The following FAF2 variants were observed in gnomAD, a reference collection of about 807,000 sequenced individuals.
The protein encoded by FAF2 is Fas associated factor family member 2, also known as FAS-associated factor 2.
FAF2 carries 9 observed loss-of-function variants against 62.3 expected under a neutral mutation model. The observed-to-expected ratio is 0.14, with a 90% CI of 0.09 to 0.25. The LOEUF (loss-of-function observed/expected upper bound fraction) is 0.25. Among genes scored for constraint, FAF2 ranks in the 10% least tolerant of loss-of-function variants. The pLI is 1.00. For missense variants in FAF2, 368 were observed against 556.2 expected (o/e 0.66, Z 3.40); for synonymous variants, 202 against 198.0 (o/e 1.02, Z -0.17).
At chr5:176,502,490 G>C (rs1030998119) in intron 10 of FAF2, among the ~76,000 whole-genome samples, 3 of 152,128 alleles carry the variant, frequency 2.0e-5, no homozygotes, top group Admixed American at 1.3e-4. Flanking sequence ...TGAGGCAGGA[G>C]AAACGCTTGA....
At chr5:176,471,624 C>G (rs934706694) in intron 1 of FAF2, among the ~76,000 whole-genome samples, 7 of 151,186 alleles carry the variant, frequency 4.6e-5, no homozygotes, top group Non-Finnish European at 7.4e-5. Context: ...CTCAGGTGAT[C>G]TGCCCACCTC....
At chr5:176,451,885 T>TACAC (rs1758189686) in intron 1 of FAF2, among the ~76,000 whole-genome samples, 1 of 24,486 alleles carries the variant, frequency 4.1e-5, no homozygotes. Context: ...CATATATATA[T>TACAC]ATATATATTT....
chr5:176,468,365 A>G (rs1581060273), intron 1 of FAF2, among the ~76,000 whole-genome samples: 1 of 152,144 alleles, frequency 6.6e-6, no homozygotes, highest in African/African-American at 2.4e-5. Flanking sequence ...CAGGTGGATC[A>G]CTAGGCCAGG....
intron 9 of FAF2, among the ~76,000 whole-genome samples, chr5:176,499,675 A>G (rs376473417): frequency 8.0e-5 from 12 of 150,756 alleles, no homozygotes; most frequent in African/African-American, 2.9e-4. Flanking sequence ...TGCAGTGGCT[A>G]TTCACCAGTG....
Position 176,454,827 on chromosome 5 carries a change from A to G in FAF2, c.63+6357A>G, listed in dbSNP as rs1172470663. Among the ~76,000 whole-genome samples, 3 of 151,978 alleles carry G rather than the reference A, an allele frequency of 2.0e-5. No individual in the cohort carries two copies. In the East Asian group the frequency reaches 5.8e-4, roughly 29 times the overall value. On this transcript the variant is annotated intron_variant, in intron 1 of 10. Transcript: ENST00000261942. ...AGATATCCTCCTTTTCCTAAACTCT[A>G]TTCTGTAATATGTTCAAGCATTTCT...
At chr5:176,500,222 A>G (rs1167285405) in intron 10 of FAF2, 76 bp downstream of exon 10, 22 of 1,433,054 alleles carry the variant, frequency 1.5e-5, no homozygotes, top group Non-Finnish European at 1.9e-5. Flanking sequence ...GACTCTTGAG[A>G]GTGGTGTTGG....
Position 176,504,149 on chromosome 5 carries a change from G to A in FAF2, c.1156-2619G>A, listed in dbSNP as rs144055708. ...AAAGCCAAGTTTGTACAAGTGTTAG[G>A]TATTCTCAAGCAGAGATTAAAAAGA... is the stretch of plus-strand genomic sequence containing the variant. On this transcript the variant is annotated intron_variant, in intron 10 of 10. Transcript: ENST00000261942. Among the ~76,000 whole-genome samples the A allele has an allele frequency of 2.1e-3, 313 of 151,918 alleles. 5 individuals carry two copies. Among genetic ancestry groups the A allele is most frequent in the African/African-American group, 7.3e-3 (303 of 41,462 alleles).
Position 176,493,847 on chromosome 5 carries a change from G to A in FAF2, c.484-152G>A, listed in dbSNP as rs184579722. ...AACAATGCCAGGGGTGTGAAGGTAGGAGCTCAGGAATTTTCTGATTTCTTG... is the reference window on the plus strand; with the variant it reads ...AACAATGCCAGGGGTGTGAAGGTAGAAGCTCAGGAATTTTCTGATTTCTTG... On this transcript the variant is annotated intron_variant, in intron 5 of 10. Transcript: ENST00000261942. 1.3e-4 allele frequency: 76 copies of A among 585,376 alleles called. No individual in the cohort carries two copies. The African/African-American group carries it at 1.4e-3, about 10-fold the overall frequency. 36.3% of individuals were successfully genotyped at this position (585,376 alleles called of 1,614,324 possible).
intron 1 of FAF2, among the ~76,000 whole-genome samples, chr5:176,470,184 A>G (rs1305087196): frequency 6.6e-6 from 1 of 152,250 alleles, no homozygotes; most frequent in African/African-American, 2.4e-5. Flanking sequence ...GTGGGGAACT[A>G]GAAGGAAATT....
At chr5:176,450,886 G>A (rs1344981246) in intron 1 of FAF2, among the ~76,000 whole-genome samples, 3 of 152,108 alleles carry the variant, frequency 2.0e-5, no homozygotes, top group East Asian at 1.9e-4. Context: ...TAGCAGGTTC[G>A]AGCTGTATTA....
At chr5:176,484,219 C>G (rs1277253954) in intron 2 of FAF2, among the ~76,000 whole-genome samples, 1 of 152,172 alleles carries the variant, frequency 6.6e-6, no homozygotes, top group African/African-American at 2.4e-5. Flanking sequence ...GTAGCCCCCT[C>G]CACCCACAGT....
At chr5:176,496,320 GAAAA>G (rs1178742954) in intron 7 of FAF2, among the ~76,000 whole-genome samples, 162 bp from the exon 8 acceptor site, 2 of 152,098 alleles carry the variant, frequency 1.3e-5, no homozygotes, top group East Asian at 3.9e-4. Context: ...CTCAAAAAAA[GAAAA>G]GAAAGAAACT....
chr5:176,450,847 G>C (rs1420530449), intron 1 of FAF2, among the ~76,000 whole-genome samples: 1 of 152,148 alleles, frequency 6.6e-6, no homozygotes, highest in Non-Finnish European at 1.5e-5. Flanking sequence ...GGCCAAAACT[G>C]TGGAGATCTT....
chr5:176,480,834 GCATTAGGAGAAATACCTAA>G (rs1309320094), intron 2 of FAF2, among the ~76,000 whole-genome samples: 16 of 151,776 alleles, frequency 1.1e-4, no homozygotes, highest in Non-Finnish European at 4.4e-5. Context: ...GGGAGGGATA[GCATTAGGAGAAATACCTAA>G]TGTAGATGAC....
chr5:176,493,520 T>C (rs1759011508), intron 5 of FAF2, among the ~76,000 whole-genome samples: 1 of 152,278 alleles, frequency 6.6e-6, no homozygotes. Context: ...AGAATGCCTT[T>C]GGATCGTACA....
At chr5:176,470,855 A>C (rs1758556558) in intron 1 of FAF2, among the ~76,000 whole-genome samples, 1 of 152,204 alleles carries the variant, frequency 6.6e-6, no homozygotes, top group South Asian at 2.1e-4. Flanking sequence ...TTTTACCTTC[A>C]TCTGGCAGTC....
chr5:176,492,054 T>A, intron 4 of FAF2, 140 bp from the exon 5 acceptor site: 1 of 895,256 alleles, frequency 1.1e-6, no homozygotes, highest in Non-Finnish European at 1.8e-6. Flanking sequence ...TACTCTCGGA[T>A]TTGATGGTCC....
At chr5:176,484,453 C>T (rs762489734) in intron 2 of FAF2, among the ~76,000 whole-genome samples, 3 of 152,140 alleles carry the variant, frequency 2.0e-5, no homozygotes, top group Admixed American at 1.3e-4. Context: ...AGTTAGTAGC[C>T]GTTATCAGAT....
At chr5:176,504,922 C>A (rs1355393265) in intron 10 of FAF2, among the ~76,000 whole-genome samples, 1 of 151,364 alleles carries the variant, frequency 6.6e-6, no homozygotes. Flanking sequence ...ACTTGGGAGG[C>A]TGAGGCAGGA....
Sources: gnomAD v4.1 joint callset for allele counts (sites outside exome capture counted in the v4.1 genomes callset) on GRCh38, gnomAD v4.1.1 for gene constraint, MANE v1.5 for transcripts, NCBI Gene and HGNC (gene_info 2026-07-23, HGNC 2026-07-21) for gene names.